Variants in INTS11 observed in about 807,000 individuals in gnomAD.
INTS11 encodes CPSF3-like protein.
A neutral mutation model predicts 78.6 loss-of-function variants in INTS11; 77 were observed. The observed-to-expected ratio is 0.98, with a 90% confidence interval of 0.81 to 1.18. The LOEUF is 1.18. INTS11 is among the 50% of genes most tolerant of loss of function. The pLI, the probability that INTS11 is intolerant of heterozygous loss-of-function variation, is 0.00. For synonymous variants in INTS11, 441 were observed against 326.9 expected (o/e 1.35, Z -3.77); for missense variants, 875 against 825.9 (o/e 1.06, Z -0.73).
At chr1:1,321,926 C>G (rs997549280) in intron 1 of INTS11, 3 of 1,311,424 alleles carry the variant, frequency 2.3e-6, no homozygotes, top group African/African-American at 3.1e-5. Context: ...GCCAGCCACT[C>G]GAAGTGTCCA....
In INTS11 at chr1:1,315,520, C is replaced by G. The variant is rs1280096803; in HGVS notation, c.528G>C (p.Thr176=). 6.2e-7 allele frequency: 1 copy of G among 1,612,802 alleles called. No individual in the cohort carries two copies. Among genetic ancestry groups the G allele is most frequent in the South Asian group, 1.1e-5 (1 of 91,010 alleles). Reference sequence around the variant, plus strand: ...CCAAGCCTCAAGCCCTTCCACTGACCGTGTAGACCACAGACTCTGAGCCCA... The same window carrying G: ...CCAAGCCTCAAGCCCTTCCACTGACGGTGTAGACCACAGACTCTGAGCCCA... ...IKVGSESVVY[T]GDYNMTPDRH... Residue 176 remains threonine (T), a splice_region_variant and synonymous_variant, in exon 5 of 17, where the codon ACG becomes ACC. Coordinates refer to ENST00000435064, the MANE Select transcript of INTS11 (RefSeq NM_017871.6).
chr1:1,315,064 C>G, intron 6 of INTS11, 102 bp from the exon 7 acceptor site: 2 of 1,417,044 alleles, frequency 1.4e-6, no homozygotes, highest in African/African-American at 1.4e-5. Flanking sequence ...AGCCGCCTTC[C>G]TAGGTCACTC....
intron 11 of INTS11, 31 bp from the exon 12 acceptor site, chr1:1,312,980 T>G (rs1396991293): frequency 1.2e-6 from 2 of 1,612,094 alleles, no homozygotes; most frequent in Non-Finnish European, 8.5e-7. Context: ...GGACAGTGGT[T>G]ACCACCAGGA....
Position 1,312,968 on chromosome 1 carries a change from G to A in INTS11, c.1132-19C>T, listed in dbSNP as rs369337063. ...CCTCCAGCTACAGAGGCCACGGGGC[G>A]TGGACAGTGGTTACCACCAGGAGGT... On this transcript the variant is annotated intron_variant, in intron 11 of 16. Transcript: ENST00000435064. The A allele has an allele frequency of 2.3e-4, 368 of 1,611,734 alleles. 1 individual carries two copies. Among genetic ancestry groups the A allele is most frequent in the Non-Finnish European group, 2.8e-4 (334 of 1,179,392 alleles).
In INTS11 at chr1:1,324,567, C is replaced by A. The variant is rs373639298; in HGVS notation, c.28+14G>T. 6,400 of 1,589,892 alleles carry A rather than the reference C, an allele frequency of 4.0e-3. 277 individuals carry two copies. In the South Asian group the frequency reaches 0.069, roughly 17 times the overall value. On this transcript the variant is annotated intron_variant, in intron 1 of 16. Transcript: ENST00000435064. The stretch of plus-strand genomic sequence containing the variant: ...GGAGCCCACCCCACAGCCCTCCCGG[C>A]GGCTCCCACTCACCCAAGGGCGTGA...
Position 1,314,328 on chromosome 1 carries a change from T to G in INTS11, c.740A>C (p.Glu247Ala). The G allele has an allele frequency of 6.2e-7, 1 of 1,606,512 alleles. No homozygotes were observed. Among genetic ancestry groups the G allele is most frequent in the Admixed American group, 1.7e-5 (1 of 59,046 alleles). Residue 247 changes from glutamate to alanine, a missense_variant, in exon 8 of 17, where the codon GAG becomes GCG. Physicochemically the swap from Glu to Ala is moderately radical, Grantham distance 107. Transcript: ENST00000435064. This position sits in a 1 kb window ranked among gnomAD's most constrained non-coding sequence, Gnocchi z 4.2. ...IPVFALGRAQ[E>A]LCILLETFWE... ...GAAGGTCTCCAGGAGGATGCAGAGCTCCTGGGCGCGGCCCAGCGCGAACAC... is the reference window on the plus strand; with the variant it reads ...GAAGGTCTCCAGGAGGATGCAGAGCGCCTGGGCGCGGCCCAGCGCGAACAC...
intron 1 of INTS11, 137 bp from the exon 2 acceptor site, chr1:1,321,230 A>G: frequency 3.1e-6 from 2 of 636,052 alleles, no homozygotes; most frequent in Non-Finnish European, 5.6e-6. Context: ...GCCAAGAAGC[A>G]GGGCCACCCC....
chr1:1,324,338 C>A (rs1029283776), intron 1 of INTS11, among the ~76,000 whole-genome samples: 14 of 152,144 alleles, frequency 9.2e-5, no homozygotes, highest in Non-Finnish European at 1.8e-4. Context: ...GCGGCCCCAT[C>A]TGCGACGTCC....
chr1:1,318,817 C>G, intron 4 of INTS11: 1 of 609,914 alleles, frequency 1.6e-6, no homozygotes, highest in Non-Finnish European at 3.0e-6. Flanking sequence ...AACCCATAAT[C>G]TTTGTCAGAA....
intron 3 of INTS11, 57 bp from the exon 4 acceptor site, chr1:1,319,581 G>C (rs367558736): frequency 7.7e-7 from 1 of 1,299,006 alleles, no homozygotes; most frequent in Non-Finnish European, 1.1e-6. Flanking sequence ...CTTCACCCCC[G>C]CTCTGGGCTT....
intron 4 of INTS11, 96 bp downstream of exon 4, chr1:1,319,200 G>A (rs1398864127): frequency 6.3e-6 from 7 of 1,115,084 alleles, no homozygotes; most frequent in Non-Finnish European, 9.7e-6. Context: ...TCACCCTGAG[G>A]CCCCAGCCTT....
In INTS11 at chr1:1,320,491, G is replaced by A. The variant is rs1470655966; in HGVS notation, c.165C>T (p.Gly55=). The change falls in exon 3 of 17, where the codon GGC becomes GGT. Residue 55 remains glycine, a synonymous_variant. Transcript: ENST00000435064. ...FPDFSYITQN[G]RLTDFLDCVI... ...CACAGTCCAGGAAGTCTGTTAGGCG[G>A]CCGTTCTGGGTGATGTAGGAGAAGT... 1.9e-6 allele frequency: 3 copies of A among 1,613,856 alleles called. No homozygotes were observed. Among genetic ancestry groups the A allele is most frequent in the South Asian group, 2.2e-5 (2 of 91,084 alleles).
chr1:1,313,952 G>A, intron 8 of INTS11, 31 bp from the exon 9 acceptor site: 1 of 1,598,692 alleles, frequency 6.3e-7, no homozygotes, highest in Non-Finnish European at 8.6e-7. Context: ...CAGCACAGTG[G>A]CCACAGGGGA....
At position 1,321,101 on chromosome 1, in the gene INTS11, A is replaced by AG. The variant is rs1642919014; in HGVS notation, c.29-9dup. Reference sequence around the variant, plus strand: ...CCACGTCCTGGCCGGCCCCTACTCGAGGGAGGGCAGATGAGTCACTGCTGC... The same window carrying AG: ...CCACGTCCTGGCCGGCCCCTACTCGAGGGGAGGGCAGATGAGTCACTGCTGC... On this transcript the variant is annotated splice_polypyrimidine_tract_variant and intron_variant, in intron 1 of 16. Coordinates refer to ENST00000435064, the MANE Select transcript of INTS11 (RefSeq NM_017871.6). The AG allele has an allele frequency of 6.2e-6, 10 of 1,605,806 alleles. No homozygotes were observed. The highest frequency in any genetic ancestry group is 7.7e-6 in the Non-Finnish European group (9 of 1,175,072).
At chr1:1,317,512 G>C (rs1166033639) in intron 4 of INTS11, 1 of 936,522 alleles carries the variant, frequency 1.1e-6, no homozygotes, top group Non-Finnish European at 1.3e-6. Flanking sequence ...CAGGAAACAG[G>C]AAAGACAAAC....
rs1557634329 is a variant in INTS11, at chr1:1,314,404, C to T, written c.703-39G>A. The T allele has an allele frequency of 6.4e-7, 1 of 1,566,022 alleles. No individual in the cohort carries two copies. Among genetic ancestry groups the T allele is most frequent in the Non-Finnish European group, 8.7e-7 (1 of 1,149,534 alleles). ...AAGGCAGGAGCCCTGGGCACATGGC[C>T]CCTCGACACAGCAGGCAGCGTCCAG... is the stretch of plus-strand genomic sequence containing the variant. On this transcript the variant is annotated intron_variant, in intron 7 of 16. Transcript: ENST00000435064. This position sits in a 1 kb window ranked among gnomAD's most constrained non-coding sequence, Gnocchi z 4.2.
At position 1,312,360 on chromosome 1, in the gene INTS11, C is replaced by T; in HGVS notation, c.1473G>A (p.Arg491=). 1 of 1,564,998 alleles carries T rather than the reference C, an allele frequency of 6.4e-7. No homozygotes were observed. Among genetic ancestry groups the T allele is most frequent in the Non-Finnish European group, 8.7e-7 (1 of 1,154,384 alleles). Residue 491 remains arginine, a synonymous_variant, in exon 15 of 17, where the codon CGG becomes CGA. Coordinates refer to ENST00000435064, the MANE Select transcript of INTS11 (RefSeq NM_017871.6). ...TGAGGGCTTGCTCTGAGGACACCAGCCGGAAGTTCTGTGGGGCAGGGACAG... is the reference window on the plus strand; with the variant it reads ...TGAGGGCTTGCTCTGAGGACACCAGTCGGAAGTTCTGTGGGGCAGGGACAG... ...GTLIMKDSNF[R]LVSSEQALKE...
chr1:1,321,211 G>A (rs1642928048), intron 1 of INTS11, 118 bp from the exon 2 acceptor site: 1 of 741,846 alleles, frequency 1.3e-6, no homozygotes, highest in Non-Finnish European at 2.3e-6. Flanking sequence ...TGTGTGGACA[G>A]ACACATGGGC....
In INTS11 at chr1:1,313,036, A is replaced by C. The variant is rs756803839; in HGVS notation, c.1130T>G (p.Val377Gly). ...GCCCAGTGCGGGGTCGAGACTCACC[A>C]CCTGCCGCCCCTCCATCTCGAGCTT... ...QRKLEMEGRQVLEVKMQVEYM... is the reference protein window; with the variant it reads ...QRKLEMEGRQGLEVKMQVEYM... The change falls in exon 11 of 17, where the codon GTG becomes GGG. Residue 377 changes from valine to glycine, a missense_variant and splice_region_variant. Physicochemically the swap from Val to Gly is moderately radical, Grantham distance 109. Coordinates refer to ENST00000435064, the MANE Select transcript of INTS11 (RefSeq NM_017871.6). The C allele has an allele frequency of 6.2e-7, 1 of 1,610,752 alleles. No individual in the cohort carries two copies. Among genetic ancestry groups the C allele is most frequent in the South Asian group, 1.1e-5 (1 of 91,048 alleles).
Sources: allele counts gnomAD v4.1 joint callset (sites outside exome capture counted in the v4.1 genomes callset), GRCh38; gene constraint gnomAD v4.1.1; non-coding constraint Gnocchi (gnomAD v3.1); transcripts MANE v1.5; gene names NCBI Gene and HGNC (gene_info 2026-07-23, HGNC 2026-07-21).